Variants in RBFOX1 observed in about 807,000 individuals in gnomAD.
The protein encoded by RBFOX1 is RNA binding fox-1 homolog 1.
A neutral mutation model predicts 57.7 loss-of-function variants in RBFOX1; 8 were observed. The observed-to-expected ratio is 0.14, with a 90% CI of 0.08 to 0.25. RBFOX1 has a LOEUF of 0.25. Among genes scored for constraint, RBFOX1 ranks in the 10% least tolerant of loss-of-function variants. The pLI, the probability that RBFOX1 is intolerant of heterozygous loss-of-function variation, is 1.00. For missense variants in RBFOX1, 611 were observed against 548.5 expected (o/e 1.11, Z -1.14); for synonymous variants, 326 against 222.4 (o/e 1.47, Z -4.15).
rs959967286 is a variant in RBFOX1, at chr16:7,110,546, A to G, written c.27+58448A>G. Among the ~76,000 whole-genome samples, 65 of 152,152 alleles carry G rather than the reference A, an allele frequency of 4.3e-4. 2 individuals are homozygous for G. The highest frequency in any genetic ancestry group is 4.4e-5 in the Non-Finnish European group (3 of 68,032). On this transcript the variant is annotated intron_variant, in intron 4 of 15. Coordinates refer to ENST00000550418, the MANE Select transcript of RBFOX1 (RefSeq NM_018723.4). ...GTTATTTTAACAATAAAATCTAAGA[A>G]CTTCGAGTACACAGTGGCTAATAGC...
chr16:6,575,590 G>C (rs1237694229), intron 2 of RBFOX1, among the ~76,000 whole-genome samples: 1 of 152,104 alleles, frequency 6.6e-6, no homozygotes, highest in East Asian at 1.9e-4. Context: ...AGGCACGGTG[G>C]CTCATGCCTG....
At chr16:5,619,902 C>T in intron 3 of RBFOX1, among the ~76,000 whole-genome samples, 1 of 151,778 alleles carries the variant, frequency 6.6e-6, no homozygotes, top group Non-Finnish European at 1.5e-5. Context: ...GAAGAATATG[C>T]TGACTTTCTA....
chr16:5,988,118 G>T (rs996259877), intron 4 of RBFOX1, among the ~76,000 whole-genome samples: 1 of 152,140 alleles, frequency 6.6e-6, no homozygotes, highest in Non-Finnish European at 1.5e-5. Context: ...GATTCAATTC[G>T]CATTCTATCT....
At chr16:6,826,865 G>A (rs1001161451) in intron 3 of RBFOX1, among the ~76,000 whole-genome samples, 9 of 152,190 alleles carry the variant, frequency 5.9e-5, no homozygotes, top group Admixed American at 2.0e-4. Context: ...GCAGTTGGAT[G>A]TGTTTCCGTA....
intron 2 of RBFOX1, among the ~76,000 whole-genome samples, chr16:6,627,703 C>G (rs1424167167): frequency 6.6e-6 from 1 of 152,084 alleles, no homozygotes; most frequent in African/African-American, 2.4e-5. Context: ...AACAAAGACG[C>G]AAAAGTGAGG....
chr16:6,777,734 G>A (rs982911540), intron 3 of RBFOX1, among the ~76,000 whole-genome samples: 1 of 152,024 alleles, frequency 6.6e-6, no homozygotes, highest in African/African-American at 2.4e-5. Context: ...ATAACTGGTG[G>A]GCTTGGTAAA....
intron 3 of RBFOX1, among the ~76,000 whole-genome samples, chr16:6,856,109 T>TCCC (rs1567577960): frequency 8.7e-5 from 13 of 150,126 alleles, no homozygotes; most frequent in East Asian, 2.0e-4. Flanking sequence ...TCCCTTCCCT[T>TCCC]TCTTCCCTTT....
At chr16:6,919,854 G>C (rs2074076214) in intron 3 of RBFOX1, among the ~76,000 whole-genome samples, 1 of 149,900 alleles carries the variant, frequency 6.7e-6, no homozygotes, top group African/African-American at 2.5e-5. Flanking sequence ...TTGCTGAGTG[G>C]TGATTTCTGA....
intron 4 of RBFOX1, among the ~76,000 whole-genome samples, chr16:7,239,032 C>A (rs540702847): frequency 6.6e-6 from 1 of 152,250 alleles, no homozygotes; most frequent in South Asian, 2.1e-4. Flanking sequence ...TTTCTTTATC[C>A]AGTCTATCAT....
At chr16:5,867,369 A>G (rs1432927271) in intron 4 of RBFOX1, 2 of 1,155,548 alleles carry the variant, frequency 1.7e-6, no homozygotes, top group Non-Finnish European at 2.2e-6. Flanking sequence ...CCTTTAGAAG[A>G]TAGTTTGAAG....
At chr16:7,102,811 G>A (rs1164694485) in intron 4 of RBFOX1, among the ~76,000 whole-genome samples, 1 of 152,112 alleles carries the variant, frequency 6.6e-6, no homozygotes, top group Non-Finnish European at 1.5e-5. Flanking sequence ...CATCCAACCA[G>A]CAATTTTTTT....
At chr16:7,315,837 C>T (rs926509972) in intron 4 of RBFOX1, among the ~76,000 whole-genome samples, 1 of 152,110 alleles carries the variant, frequency 6.6e-6, no homozygotes, top group Non-Finnish European at 1.5e-5. Context: ...ATTATGTCTA[C>T]ATGGCACAAG....
At chr16:6,481,116 C>T (rs1454416549) in intron 2 of RBFOX1, among the ~76,000 whole-genome samples, 2 of 152,096 alleles carry the variant, frequency 1.3e-5, no homozygotes, top group Non-Finnish European at 2.9e-5. Flanking sequence ...AATCAGCTTC[C>T]CGAGAGACAA....
At chr16:5,676,210 G>A (rs554263525) in intron 3 of RBFOX1, among the ~76,000 whole-genome samples, 1 of 151,132 alleles carries the variant, frequency 6.6e-6, no homozygotes, top group African/African-American at 2.4e-5. Context: ...ATACCTATGC[G>A]ACAAACCTGC....
intron 5 of RBFOX1, among the ~76,000 whole-genome samples, chr16:7,552,601 A>G (rs888083241): frequency 6.6e-6 from 1 of 152,198 alleles, no homozygotes; most frequent in African/African-American, 2.4e-5. Context: ...CAAGAAATCC[A>G]TAGTTCATGA....
At chr16:7,111,777 G>T (rs1470513252) in intron 4 of RBFOX1, among the ~76,000 whole-genome samples, 2 of 151,732 alleles carry the variant, frequency 1.3e-5, no homozygotes, top group Non-Finnish European at 2.9e-5. Context: ...TTATCTTCAA[G>T]GTTCTGGCCA....
intron 1 of RBFOX1, among the ~76,000 whole-genome samples, chr16:5,330,038 G>T (rs1175631549): frequency 1.3e-5 from 2 of 151,112 alleles, no homozygotes; most frequent in African/African-American, 4.9e-5. Flanking sequence ...CCTTCTTGCC[G>T]TGTCCTCACA....
Position 7,576,148 on chromosome 16 carries a change from G to C in RBFOX1, c.271-3629G>C, listed in dbSNP as rs1401206679. On this transcript the variant is annotated intron_variant, in intron 5 of 15. Transcript: ENST00000550418. ...GGAGACAGGGTCTCACTATGTTGCA[G>C]GCTGGTGTCAAATGATCCTCCCACC... is the stretch of plus-strand genomic sequence containing the variant. Among the ~76,000 whole-genome samples the C allele has an allele frequency of 2.6e-5, 4 of 151,522 alleles. No individual in the cohort carries two copies. The East Asian group carries it at 7.8e-4, about 29-fold the overall frequency.
chr16:5,669,212 A>G (rs571748951), intron 3 of RBFOX1, among the ~76,000 whole-genome samples: 1 of 151,418 alleles, frequency 6.6e-6, no homozygotes, highest in African/African-American at 2.4e-5. Context: ...CATCTGTCCT[A>G]CTCTGTCCTT....
Sources: allele counts gnomAD v4.1 joint callset (sites outside exome capture counted in the v4.1 genomes callset), GRCh38; gene constraint gnomAD v4.1.1; transcripts MANE v1.5; gene names NCBI Gene and HGNC (gene_info 2026-07-23, HGNC 2026-07-21).